Variants in SEPTIN11 observed in about 807,000 individuals in gnomAD.
SEPTIN11 encodes the protein septin-11.
In SEPTIN11, 25 loss-of-function variants were observed where a neutral mutation model predicts 51.4. The observed-to-expected ratio is 0.49, with a 90% CI of 0.35 to 0.68. SEPTIN11 has a LOEUF of 0.68. Among genes scored for constraint, SEPTIN11 ranks in the 30% least tolerant of loss-of-function variants. SEPTIN11 has a pLI of 0.00. For missense variants in SEPTIN11, 381 were observed against 520.8 expected (o/e 0.73, Z 2.61); for synonymous variants, 174 against 184.1 (o/e 0.95, Z 0.44).
At chr4:76,978,620 C>T (rs558365180) in intron 1 of SEPTIN11, among the ~76,000 whole-genome samples, 6 of 152,168 alleles carry the variant, frequency 3.9e-5, no homozygotes, top group South Asian at 2.1e-4. Flanking sequence ...TGACCTCCAC[C>T]GTAAAATGGG....
chr4:77,004,974 A>G (rs767401826), intron 2 of SEPTIN11, among the ~76,000 whole-genome samples: 3 of 152,190 alleles, frequency 2.0e-5, no homozygotes, highest in Non-Finnish European at 4.4e-5. Flanking sequence ...AAATTGAATA[A>G]ATAAATACAT....
intron 1 of SEPTIN11, among the ~76,000 whole-genome samples, chr4:76,971,439 GT>G (rs879758237): frequency 7.9e-4 from 114 of 144,318 alleles, no homozygotes; most frequent in Admixed American, 1.2e-3. Context: ...TTATGGAGAG[GT>G]TTTTTTTTTT....
At chr4:76,966,779 G>A (rs1457393605) in intron 1 of SEPTIN11, among the ~76,000 whole-genome samples, 4 of 152,052 alleles carry the variant, frequency 2.6e-5, no homozygotes, top group Non-Finnish European at 4.4e-5. Context: ...TGGGAGGATC[G>A]CTTGAGTCTG....
At chr4:77,022,375 A>G (rs1220044710) in intron 7 of SEPTIN11, among the ~76,000 whole-genome samples, 1 of 152,150 alleles carries the variant, frequency 6.6e-6, no homozygotes, top group African/African-American at 2.4e-5. Context: ...GAGTTTCTTC[A>G]TCTGTGAAAT....
intron 1 of SEPTIN11, among the ~76,000 whole-genome samples, chr4:76,956,390 GC>G (rs1721558872): frequency 6.6e-6 from 1 of 152,216 alleles, no homozygotes. Context: ...GGAACCAAAG[GC>G]TTTTAGACCA....
chr4:77,034,476 G>T, intron 9 of SEPTIN11, 21 bp from the exon 10 acceptor site: 1 of 1,517,820 alleles, frequency 6.6e-7, no homozygotes, highest in East Asian at 2.5e-5. Flanking sequence ...TAACTTTTTT[G>T]TTTTGTTTTT....
chr4:77,039,589 C>A, downstream of SEPTIN11: 1 of 985,094 alleles, frequency 1.0e-6, no homozygotes, highest in Non-Finnish European at 1.2e-6. Flanking sequence ...TCATAAGATC[C>A]GAGCAACATT....
chr4:76,975,869 T>A (rs1722476481), intron 1 of SEPTIN11, among the ~76,000 whole-genome samples: 1 of 152,236 alleles, frequency 6.6e-6, no homozygotes, highest in African/African-American at 2.4e-5. Flanking sequence ...GAGAAGGAAG[T>A]AAGCACTTTT....
At chr4:76,993,915 C>T (rs921911093) in intron 1 of SEPTIN11, among the ~76,000 whole-genome samples, 4 of 152,040 alleles carry the variant, frequency 2.6e-5, no homozygotes, top group Non-Finnish European at 5.9e-5. Context: ...GTTTTGGAAA[C>T]GGTGAGAATA....
At chr4:77,026,113 A>G (rs1381608355) in intron 7 of SEPTIN11, among the ~76,000 whole-genome samples, 1 of 152,190 alleles carries the variant, frequency 6.6e-6, no homozygotes, top group Non-Finnish European at 1.5e-5. Flanking sequence ...GTTGTGATTC[A>G]TAGTTTCATA....
chr4:77,020,282 G>A (rs928413500), intron 6 of SEPTIN11, among the ~76,000 whole-genome samples: 4 of 152,140 alleles, frequency 2.6e-5, no homozygotes, highest in Non-Finnish European at 4.4e-5. Flanking sequence ...TGCTGAGTAG[G>A]CACTCAGCAG....
At position 77,011,760 on chromosome 4, in the gene SEPTIN11, G is replaced by A. The variant is rs749821660; in HGVS notation, c.364G>A (p.Asp122Asn). The A allele has an allele frequency of 6.2e-7, 1 of 1,614,102 alleles. No homozygotes were observed. The highest frequency in any genetic ancestry group is 8.5e-7 in the Non-Finnish European group (1 of 1,179,984). ...CTATAAGCCGATAGTAGAATATATT[G>A]ATGCCCAGTTCGAGGCCTACCTGCA... The part of the protein sequence containing the change: ...DSYKPIVEYI[D>N]AQFEAYLQEE... The change falls in exon 4 of 10, where the codon GAT becomes AAT. Residue 122 changes from aspartate to asparagine, a missense_variant. Transcript: ENST00000264893.
At chr4:77,039,020 A>G, downstream of SEPTIN11, 1 of 1,159,908 alleles carries the variant, frequency 8.6e-7, no homozygotes, top group Non-Finnish European at 1.1e-6. Context: ...TTCTTTTCTT[A>G]AGCCATTAAG....
intron 1 of SEPTIN11, among the ~76,000 whole-genome samples, chr4:76,961,271 T>C (rs1721815252): frequency 6.6e-6 from 1 of 152,212 alleles, no homozygotes; most frequent in Non-Finnish European, 1.5e-5. Context: ...CTTCCCAGGC[T>C]ATCTTTCGAA....
intron 1 of SEPTIN11, among the ~76,000 whole-genome samples, chr4:76,967,532 A>G (rs577559841): frequency 6.6e-6 from 1 of 152,338 alleles, no homozygotes; most frequent in South Asian, 2.1e-4. Flanking sequence ...ATGGTGCCAT[A>G]GTCTTCAGTT....
chr4:76,996,442 C>T lies in SEPTIN11; in HGVS notation c.45C>T (p.Asn15=), dbSNP rs1723723592. ...AATTGCAGAATGAAGAGCTTCGAAA[C>T]TTGTCTTTGTCTGGCCATGTGGGAT... ...VGRPSNEELR[N]LSLSGHVGFD... Residue 15 remains asparagine, a synonymous_variant, in exon 2 of 10, where the codon AAC becomes AAT. Transcript: ENST00000264893. 1 of 1,614,034 alleles carries T rather than the reference C, an allele frequency of 6.2e-7. No homozygotes were observed. Among genetic ancestry groups the T allele is most frequent in the Non-Finnish European group, 8.5e-7 (1 of 1,179,892 alleles).
At chr4:77,005,818 G>T (rs1253115598) in intron 3 of SEPTIN11, 22 bp downstream of exon 3, 2 of 1,600,642 alleles carry the variant, frequency 1.2e-6, no homozygotes, top group South Asian at 1.1e-5. Flanking sequence ...GATTTTGGGG[G>T]GACATGAATG....
chr4:76,953,219 A>T (rs780768122), intron 1 of SEPTIN11, among the ~76,000 whole-genome samples: 4 of 152,222 alleles, frequency 2.6e-5, no homozygotes, highest in African/African-American at 9.6e-5. Flanking sequence ...AGCACCTGCT[A>T]TGTGTCAGGA....
intron 7 of SEPTIN11, among the ~76,000 whole-genome samples, chr4:77,023,303 AT>A (rs1725870248): frequency 8.7e-6 from 1 of 115,478 alleles, no homozygotes; most frequent in Non-Finnish European, 1.8e-5. Context: ...CACACACACA[AT>A]ATATATATAA....
Sources: allele counts gnomAD v4.1 joint callset (sites outside exome capture counted in the v4.1 genomes callset), GRCh38; gene constraint gnomAD v4.1.1; transcripts MANE v1.5; gene names NCBI Gene and HGNC (gene_info 2026-07-23, HGNC 2026-07-21).